The following ZBTB7C variants were observed in gnomAD, a reference collection of about 807,000 sequenced individuals.
The protein encoded by ZBTB7C is zinc finger and BTB domain-containing protein 7C.
A neutral mutation model predicts 25.7 loss-of-function variants in ZBTB7C; 8 were observed. That is an observed-to-expected ratio of 0.31 (90% CI 0.18 to 0.56). ZBTB7C has a LOEUF of 0.56. ZBTB7C is among the 20% of genes least tolerant of loss of function. ZBTB7C has a pLI of 0.91. For missense variants in ZBTB7C, 824 were observed against 855.2 expected, an observed-to-expected ratio of 0.96 and a Z score of 0.46; for synonymous variants, 394 against 369.0, an observed-to-expected ratio of 1.07 and a Z score of -0.78.
chr18:48,047,212 A>G (rs993376429), intron 3 of ZBTB7C, among the ~76,000 whole-genome samples: 1 of 152,180 alleles, frequency 6.6e-6, no homozygotes, highest in African/African-American at 2.4e-5. Flanking sequence ...CTGGTGGGCC[A>G]GTAGACAGCA....
chr18:48,110,954 G>A (rs776163062), intron 3 of ZBTB7C, among the ~76,000 whole-genome samples: 2 of 152,176 alleles, frequency 1.3e-5, no homozygotes, highest in Non-Finnish European at 2.9e-5. Context: ...TACAATCAAT[G>A]AGTAGGTCAT....
intron 2 of ZBTB7C, among the ~76,000 whole-genome samples, chr18:48,280,076 T>G (rs982118872): frequency 2.0e-5 from 3 of 152,190 alleles, no homozygotes; most frequent in Admixed American, 2.0e-4. Context: ...ATTTGGTTCT[T>G]GCCCCAAGGA....
At chr18:48,195,651 T>C (rs1105739) in intron 2 of ZBTB7C, among the ~76,000 whole-genome samples, 1 of 151,474 alleles carries the variant, frequency 6.6e-6, no homozygotes, top group Non-Finnish European at 1.5e-5. Flanking sequence ...CAGTTTTCAG[T>C]TTTTTTTTCC....
chr18:48,240,328 T>C (rs2043490422), intron 2 of ZBTB7C, among the ~76,000 whole-genome samples: 1 of 152,036 alleles, frequency 6.6e-6, no homozygotes, highest in South Asian at 2.1e-4. Context: ...TGCAGACAAA[T>C]ACAAGAAGCT....
intron 2 of ZBTB7C, among the ~76,000 whole-genome samples, chr18:48,325,185 C>T (rs1018359692): frequency 7.2e-5 from 11 of 152,150 alleles, no homozygotes; most frequent in Admixed American, 2.0e-4. Flanking sequence ...CCCTGGCTGA[C>T]TCAGATACAC....
intron 2 of ZBTB7C, among the ~76,000 whole-genome samples, chr18:48,333,865 C>A (rs1185157306): frequency 6.6e-6 from 1 of 152,200 alleles, no homozygotes; most frequent in Non-Finnish European, 1.5e-5. Context: ...GTGGACCCAA[C>A]CTTGAAAACA....
intron 4 of ZBTB7C, among the ~76,000 whole-genome samples, chr18:48,034,099 C>T (rs2035870676): frequency 6.6e-6 from 1 of 152,182 alleles, no homozygotes; most frequent in Non-Finnish European, 1.5e-5. Context: ...TAGCTGGAAT[C>T]TCAAGAGCTG....
intron 2 of ZBTB7C, among the ~76,000 whole-genome samples, chr18:48,260,494 A>G (rs1275034182): frequency 6.6e-6 from 1 of 152,212 alleles, no homozygotes; most frequent in African/African-American, 2.4e-5. Context: ...TGTGCAATTT[A>G]CTGTAATTCA....
At chr18:48,138,724 G>A (rs1196163638) in intron 3 of ZBTB7C, among the ~76,000 whole-genome samples, 7 of 152,098 alleles carry the variant, frequency 4.6e-5, no homozygotes, top group South Asian at 2.1e-4. Context: ...AGGTACTCCC[G>A]GAACACCCAA....
intron 1 of ZBTB7C, among the ~76,000 whole-genome samples, chr18:48,398,896 T>A (rs1339590841): frequency 1.3e-5 from 2 of 152,266 alleles, no homozygotes; most frequent in Non-Finnish European, 2.9e-5. Context: ...TCCTTTGAAG[T>A]GTCTTGTGAA....
At chr18:48,317,651 G>A (rs1032664499) in intron 2 of ZBTB7C, among the ~76,000 whole-genome samples, 2 of 152,168 alleles carry the variant, frequency 1.3e-5, no homozygotes, top group Non-Finnish European at 2.9e-5. Flanking sequence ...TGGCATCTCA[G>A]TGAAACCTCA....
chr18:48,056,262 T>C (rs889960164), intron 3 of ZBTB7C, among the ~76,000 whole-genome samples: 1 of 152,208 alleles, frequency 6.6e-6, no homozygotes, highest in Non-Finnish European at 1.5e-5. Context: ...CAACTCGTAT[T>C]TGGACAGGGA....
chr18:48,096,831 AAC>A (rs754049798), intron 3 of ZBTB7C, among the ~76,000 whole-genome samples: 6 of 152,322 alleles, frequency 3.9e-5, no homozygotes, highest in South Asian at 4.1e-4. Context: ...CTTCTTTTTC[AAC>A]AGTTATCAAA....
chr18:48,303,340 AG>A (rs1273088629), intron 2 of ZBTB7C, among the ~76,000 whole-genome samples: 2 of 152,206 alleles, frequency 1.3e-5, no homozygotes, highest in Non-Finnish European at 2.9e-5. Flanking sequence ...GATGAGACTC[AG>A]GGGCTCCTTT....
chr18:48,220,969 A>C (rs1319036232), intron 2 of ZBTB7C, among the ~76,000 whole-genome samples: 1 of 151,208 alleles, frequency 6.6e-6, no homozygotes, highest in Non-Finnish European at 1.5e-5. Context: ...CTCCCTCTAT[A>C]CTGTCCTAGT....
At chr18:48,367,202 T>TATATATATATATATATAC (rs1302394192) in intron 1 of ZBTB7C, among the ~76,000 whole-genome samples, 14 of 63,390 alleles carry the variant, frequency 2.2e-4, no homozygotes, top group African/African-American at 6.2e-4. Flanking sequence ...TATATATATA[T>TATATATATATATATATAC]ACACACACAC....
chr18:48,310,992 T>C lies in ZBTB7C; in HGVS notation c.-79+27182A>G, dbSNP rs145631316. Among the ~76,000 whole-genome samples, 738 of 152,322 alleles carry C rather than the reference T, an allele frequency of 4.8e-3. 3 individuals carry two copies. The highest frequency in any genetic ancestry group is 0.01 in the Middle Eastern group (3 of 294). The stretch of plus-strand genomic sequence containing the variant: ...CCAATTTGGGCAGTAAATTACATCA[T>C]GTGCAGTCTTTGCTCACCATTCCCA... On this transcript the variant is annotated intron_variant, in intron 2 of 4. Coordinates refer to ENST00000590800, the MANE Select transcript of ZBTB7C (RefSeq NM_001318841.2).
At position 48,372,872 on chromosome 18, in the gene ZBTB7C, A is replaced by C. The variant is rs556038380; in HGVS notation, c.-303-34474T>G. Among the ~76,000 whole-genome samples the C allele has an allele frequency of 3.3e-5, 5 of 152,178 alleles. No individual in the cohort carries two copies. The South Asian group carries it at 1.0e-3, about 32-fold the overall frequency. On this transcript the variant is annotated intron_variant, in intron 1 of 4. Transcript: ENST00000590800. ...ACCTCTCCCTACTCCCATCTCCTGTATGTGTCTGGCAAACTGGCAATCGTT... is the reference window on the plus strand; with the variant it reads ...ACCTCTCCCTACTCCCATCTCCTGTCTGTGTCTGGCAAACTGGCAATCGTT...
chr18:48,120,984 C>A (rs2039608658), intron 3 of ZBTB7C, among the ~76,000 whole-genome samples: 1 of 152,200 alleles, frequency 6.6e-6, no homozygotes, highest in South Asian at 2.1e-4. Flanking sequence ...TAAGTGGGTG[C>A]CTCAGGAGTC....
Sources: gnomAD v4.1 joint callset for allele counts (sites outside exome capture counted in the v4.1 genomes callset) on GRCh38, gnomAD v4.1.1 for gene constraint, MANE v1.5 for transcripts, NCBI Gene and HGNC (gene_info 2026-07-23, HGNC 2026-07-21) for gene names.